KIF16B: variants seen among roughly 807,000 people sequenced by gnomAD.
KIF16B encodes the protein kinesin-like protein KIF16B.
In KIF16B, 98 loss-of-function variants were observed where a neutral mutation model predicts 156.3. The ratio of observed to expected loss-of-function variants is 0.63; its 90% CI spans 0.53 to 0.74. The LOEUF (loss-of-function observed/expected upper bound fraction) is 0.74, where lower values mean the gene tolerates loss of function less well. KIF16B is among the 30% of genes least tolerant of loss of function. The probability of loss-of-function intolerance (pLI) is 0.00; values close to 1 mark genes in which losing one functional copy is unlikely to be tolerated. For synonymous variants in KIF16B, 564 were observed against 583.7 expected (o/e 0.97, Z 0.49); for missense variants, 1,421 against 1,606.5 (o/e 0.88, Z 1.97).
intron 23 of KIF16B, among the ~76,000 whole-genome samples, chr20:16,343,374 T>C (rs946626134): frequency 6.6e-6 from 1 of 152,240 alleles, no homozygotes; most frequent in African/African-American, 2.4e-5. Context: ...TGGTTATGTA[T>C]ATCTAGCAGT....
chr20:16,559,249 CAATT>C (rs1055337120), intron 1 of KIF16B, among the ~76,000 whole-genome samples: 6 of 151,942 alleles, frequency 3.9e-5, no homozygotes, highest in African/African-American at 1.5e-4. Flanking sequence ...TGAAAGTAAA[CAATT>C]AATCCAATCA....
intron 12 of KIF16B, among the ~76,000 whole-genome samples, chr20:16,467,296 G>A (rs2067519161): frequency 1.3e-5 from 2 of 152,008 alleles, no homozygotes; most frequent in African/African-American, 2.4e-5. Flanking sequence ...AACACTTCCT[G>A]TCCCCCCACG....
chr20:16,512,923 C>T lies in KIF16B; in HGVS notation c.349G>A (p.Gly117Arg). Reference protein sequence around the residue: ...GKSYTMMGNSGDSGLIPRICE... With the variant: ...GKSYTMMGNSRDSGLIPRICE... The stretch of plus-strand genomic sequence containing the variant: ...ATCCGAGGTATTAAGCCAGAATCTC[C>T]CTGCATGGGAAAGACCAATGTCACA... Residue 117 changes from glycine to arginine, a missense_variant and splice_region_variant, in exon 5 of 26, where the codon GGA (glycine) becomes AGA (arginine). Gly to Arg is a moderately radical substitution (Grantham distance 125). Transcript: ENST00000354981. 1 of 1,603,108 alleles carries T rather than the reference C, an allele frequency of 6.2e-7. No homozygotes were observed. The highest frequency in any genetic ancestry group is 8.5e-7 in the Non-Finnish European group (1 of 1,170,092).
At chr20:16,444,947 G>C (rs1176869105) in intron 12 of KIF16B, among the ~76,000 whole-genome samples, 1 of 152,190 alleles carries the variant, frequency 6.6e-6, no homozygotes, top group Non-Finnish European at 1.5e-5. Flanking sequence ...GAACTCAACT[G>C]AGGGCAAAAG....
chr20:16,404,961 G>C (rs2065745293), intron 16 of KIF16B, 60 bp from the exon 17 acceptor site: 3 of 1,179,080 alleles, frequency 2.5e-6, no homozygotes, highest in Admixed American at 1.8e-5. Context: ...CCACTGCTCT[G>C]GACTCATTGC....
chr20:16,302,333 G>A (rs1165821891), intron 25 of KIF16B, among the ~76,000 whole-genome samples: 1 of 152,174 alleles, frequency 6.6e-6, no homozygotes, highest in African/African-American at 2.4e-5. Context: ...TTTTTTGCAT[G>A]TGGATATCCA....
chr20:16,406,533 A>G, intron 15 of KIF16B, 77 bp from the exon 16 acceptor site: 1 of 1,190,800 alleles, frequency 8.4e-7, no homozygotes, highest in Non-Finnish European at 1.3e-6. Flanking sequence ...ATGGAATTCT[A>G]CTGTTGAAAT....
At chr20:16,544,993 A>G (rs567299723) in intron 1 of KIF16B, among the ~76,000 whole-genome samples, 1 of 152,356 alleles carries the variant, frequency 6.6e-6, no homozygotes, top group African/African-American at 2.4e-5. Context: ...TTTTAAATGC[A>G]GATAGATTTT....
intron 15 of KIF16B, among the ~76,000 whole-genome samples, chr20:16,410,129 G>A (rs1308519601): frequency 1.1e-4 from 14 of 129,066 alleles, no homozygotes; most frequent in African/African-American, 3.8e-4. Flanking sequence ...ATATATGTAG[G>A]TACATATATA....
intron 1 of KIF16B, among the ~76,000 whole-genome samples, chr20:16,543,938 A>G (rs2070302053): frequency 6.6e-6 from 1 of 152,244 alleles, no homozygotes; most frequent in Admixed American, 6.5e-5. Flanking sequence ...AAAGCCACAA[A>G]GAACTGCTGA....
intron 25 of KIF16B, 146 bp downstream of exon 25, chr20:16,312,189 T>A (rs1174849043): frequency 1.7e-6 from 1 of 593,938 alleles, no homozygotes; most frequent in East Asian, 2.8e-5. Context: ...CATATCTTCA[T>A]AATCTACTGC....
In KIF16B at chr20:16,452,043, G is replaced by T. The variant is rs114719466; in HGVS notation, c.1303-22061C>A. On this transcript the variant is annotated intron_variant, in intron 12 of 25. Coordinates refer to ENST00000354981, the MANE Select transcript of KIF16B (RefSeq NM_024704.5). ...TCAGAACTGATGGCATGGGAGGGGG[G>T]CACCAGGTAAGAATGGGTGGGTCTG... 7.2e-3 allele frequency among the ~76,000 whole-genome samples: 1,094 copies of T among 152,198 alleles called. 19 individuals are homozygous for T. The highest frequency in any genetic ancestry group is 0.025 in the African/African-American group (1,051 of 41,494).
chr20:16,382,313 C>T (rs1267115781), intron 17 of KIF16B, among the ~76,000 whole-genome samples: 3 of 152,174 alleles, frequency 2.0e-5, no homozygotes. Context: ...ATGAAACAAA[C>T]ACTCCAAAAA....
intron 25 of KIF16B, among the ~76,000 whole-genome samples, chr20:16,304,634 C>G (rs1041795331): frequency 3.3e-5 from 5 of 152,102 alleles, no homozygotes; most frequent in Non-Finnish European, 7.4e-5. Flanking sequence ...TATTTAATCT[C>G]TATGTTTGAT....
rs186790790 is a variant in KIF16B at position 16,481,904 on chromosome 20, C to A, written c.1302+12387G>T. ...TGTAATGCTGACTGTGTGCTAGACA[C>A]CACTGTCAGCACTTTGCCTGTCCTC... On this transcript the variant is annotated intron_variant, in intron 12 of 25. Transcript: ENST00000354981. Among the ~76,000 whole-genome samples, 142 of 152,238 alleles carry A rather than the reference C, an allele frequency of 9.3e-4. 1 individual carries two copies. Among genetic ancestry groups the A allele is most frequent in the Admixed American group, 1.9e-3 (29 of 15,298 alleles).
At chr20:16,427,373 A>G (rs2066384385) in intron 14 of KIF16B, 132 bp from the exon 15 acceptor site, 1 of 876,152 alleles carries the variant, frequency 1.1e-6, no homozygotes, top group Admixed American at 2.9e-5. Context: ...TCATGAAGTG[A>G]ACATTTATGT....
chr20:16,278,521 T>C (rs2063097734), intron 25 of KIF16B, among the ~76,000 whole-genome samples: 1 of 152,212 alleles, frequency 6.6e-6, no homozygotes, highest in Admixed American at 6.5e-5. Context: ...CTCGATTTCA[T>C]GAATTGCCTT....
intron 25 of KIF16B, among the ~76,000 whole-genome samples, chr20:16,282,714 G>A (rs1406533484): frequency 6.6e-6 from 1 of 152,072 alleles, no homozygotes; most frequent in African/African-American, 2.4e-5. Flanking sequence ...TCAGCAGATA[G>A]GACAGACTCC....
intron 3 of KIF16B, among the ~76,000 whole-genome samples, chr20:16,517,585 T>A (rs927963326): frequency 6.6e-6 from 1 of 152,160 alleles, no homozygotes; most frequent in Non-Finnish European, 1.5e-5. Flanking sequence ...ATCACTGTGA[T>A]GTGTCCTCTT....
Sources: allele counts gnomAD v4.1 joint callset (sites outside exome capture counted in the v4.1 genomes callset), GRCh38; gene constraint gnomAD v4.1.1; transcripts MANE v1.5; gene names NCBI Gene and HGNC (gene_info 2026-07-23, HGNC 2026-07-21).